The following ATXN1 variants were observed in gnomAD, a reference collection of about 807,000 sequenced individuals.
ATXN1 encodes the protein ataxin-1.
A neutral mutation model predicts 56.4 loss-of-function variants in ATXN1; 8 were observed. The ratio of observed to expected loss-of-function variants is 0.14; its 90% CI spans 0.08 to 0.26. The LOEUF (loss-of-function observed/expected upper bound fraction) is 0.26, where lower values mean the gene tolerates loss of function less well. Among genes scored for constraint, ATXN1 ranks in the 10% least tolerant of loss-of-function variants. The probability of loss-of-function intolerance (pLI) is 1.00; values close to 1 mark genes in which losing one functional copy is unlikely to be tolerated. For missense variants in ATXN1, 987 were observed against 1,106.5 expected (o/e 0.89, Z 1.53); for synonymous variants, 514 against 494.6 (o/e 1.04, Z -0.52).
intron 2 of ATXN1, among the ~76,000 whole-genome samples, chr6:16,710,377 C>T (rs570487228): frequency 1.3e-5 from 2 of 152,130 alleles, no homozygotes; most frequent in South Asian, 4.1e-4. Flanking sequence ...CCTTAAATTT[C>T]TCTCTTATGA....
At chr6:16,712,301 T>C (rs1458645308) in intron 2 of ATXN1, among the ~76,000 whole-genome samples, 2 of 152,090 alleles carry the variant, frequency 1.3e-5, no homozygotes, top group Admixed American at 6.6e-5. Context: ...AAGAAAGATG[T>C]ACTTTCTACC....
chr6:16,593,742 G>C (rs931401306), intron 3 of ATXN1, among the ~76,000 whole-genome samples: 1 of 151,536 alleles, frequency 6.6e-6, no homozygotes, highest in Admixed American at 6.6e-5. Flanking sequence ...CTAAGATTTA[G>C]CCATGTTGTT....
chr6:16,659,298 T>C (rs1221408461), intron 2 of ATXN1, among the ~76,000 whole-genome samples: 1 of 152,198 alleles, frequency 6.6e-6, no homozygotes, highest in Non-Finnish European at 1.5e-5. Context: ...CTCAAATGTG[T>C]AAGGCAACAT....
chr6:16,384,628 T>C (rs1758200137), intron 6 of ATXN1, among the ~76,000 whole-genome samples: 1 of 152,230 alleles, frequency 6.6e-6, no homozygotes, highest in Non-Finnish European at 1.5e-5. Context: ...GATGACTGGA[T>C]CACGGGCTTA....
At chr6:16,385,273 A>T (rs9477104) in intron 6 of ATXN1, among the ~76,000 whole-genome samples, 2 of 152,214 alleles carry the variant, frequency 1.3e-5, no homozygotes, top group Non-Finnish European at 2.9e-5. Context: ...AGGGTTAGGC[A>T]GGAACATTTT....
chr6:16,608,800 C>T lies in ATXN1; in HGVS notation c.-488-22893G>A, dbSNP rs1351307458. Among the ~76,000 whole-genome samples, 7 of 152,346 alleles carry T rather than the reference C, an allele frequency of 4.6e-5. 1 individual carries two copies. The highest frequency in any genetic ancestry group is 3.9e-4 in the East Asian group (2 of 5,190). ...CAAAAGCTGTGTGTCTGACAATCTA[C>T]GTGTAAGCCTAACTTTTTACATTAC... On this transcript the variant is annotated intron_variant, in intron 3 of 7. Coordinates refer to ENST00000436367, the MANE Select transcript of ATXN1 (RefSeq NM_001128164.2).
intron 3 of ATXN1, among the ~76,000 whole-genome samples, chr6:16,602,833 C>T (rs764965109): frequency 1.3e-5 from 2 of 152,060 alleles, no homozygotes; most frequent in African/African-American, 2.4e-5. Flanking sequence ...TGAAGGCTTG[C>T]CATAAAGATA....
chr6:16,607,894 A>G (rs1283072128), intron 3 of ATXN1, among the ~76,000 whole-genome samples: 12 of 152,210 alleles, frequency 7.9e-5, no homozygotes, highest in Admixed American at 5.9e-4. Flanking sequence ...TGGTCTATAG[A>G]CAAAGGCCCC....
intron 3 of ATXN1, among the ~76,000 whole-genome samples, chr6:16,632,399 A>C (rs527552154): frequency 6.6e-6 from 1 of 152,344 alleles, no homozygotes; most frequent in Admixed American, 6.5e-5. Flanking sequence ...AATGCTAGGT[A>C]CCACTGTGCT....
chr6:16,548,341 GC>G (rs574737182), intron 4 of ATXN1, among the ~76,000 whole-genome samples: 5 of 152,136 alleles, frequency 3.3e-5, no homozygotes, highest in Admixed American at 6.5e-5. Context: ...GAATGTGAAG[GC>G]CTAGGACATT....
chr6:16,520,690 A>T (rs1248469067), intron 5 of ATXN1, among the ~76,000 whole-genome samples: 2 of 152,204 alleles, frequency 1.3e-5, no homozygotes, highest in Non-Finnish European at 2.9e-5. Context: ...CCCACATTGT[A>T]CTGTGGTGTG....
intron 3 of ATXN1, among the ~76,000 whole-genome samples, chr6:16,629,982 G>A (rs940976962): frequency 1.3e-5 from 2 of 151,976 alleles, no homozygotes; most frequent in Non-Finnish European, 2.9e-5. Context: ...CCTTCTTCTG[G>A]AAAGGGCAAT....
At chr6:16,321,247 C>T (rs56336401) in intron 7 of ATXN1, among the ~76,000 whole-genome samples, 4 of 152,032 alleles carry the variant, frequency 2.6e-5, no homozygotes, top group South Asian at 2.1e-4. Context: ...GCTATCGCCT[C>T]GGGGGTCGCA....
In ATXN1 at chr6:16,579,483, C is replaced by A. The variant is rs771770050; in HGVS notation, c.-361+6297G>T. Among the ~76,000 whole-genome samples the A allele has an allele frequency of 1.7e-4, 6 of 35,368 alleles. 1 individual carries two copies. The highest frequency in any genetic ancestry group is 2.5e-4 in the African/African-American group (3 of 11,802). The allele number at this position is 35,368 out of a possible 152,430, so 23.2% of individuals were successfully genotyped here. On this transcript the variant is annotated intron_variant, in intron 4 of 7. Transcript: ENST00000436367. Reference sequence around the variant, plus strand: ...GTCACTGAGTACCTTGGTCAAAGCCCCCCCCCCCCACCCGCCGATTCATTC... The same window carrying A: ...GTCACTGAGTACCTTGGTCAAAGCCACCCCCCCCCACCCGCCGATTCATTC...
intron 5 of ATXN1, among the ~76,000 whole-genome samples, chr6:16,505,063 C>T (rs1760957746): frequency 6.7e-6 from 1 of 148,270 alleles, no homozygotes; most frequent in South Asian, 2.2e-4. Flanking sequence ...CTGCCTTCTA[C>T]TACTCAGCAG....
At chr6:16,463,266 C>T (rs988820134) in intron 6 of ATXN1, among the ~76,000 whole-genome samples, 2 of 152,206 alleles carry the variant, frequency 1.3e-5, no homozygotes, top group African/African-American at 2.4e-5. Context: ...CAACTTACAT[C>T]TGCCTCCCCA....
intron 3 of ATXN1, among the ~76,000 whole-genome samples, chr6:16,650,634 G>T (rs1413249865): frequency 6.6e-6 from 1 of 152,158 alleles, no homozygotes; most frequent in African/African-American, 2.4e-5. Flanking sequence ...TGGCCTAAAG[G>T]TTTCTCCGCA....
intron 4 of ATXN1, among the ~76,000 whole-genome samples, chr6:16,560,831 C>T (rs1260205108): frequency 6.6e-6 from 1 of 152,160 alleles, no homozygotes; most frequent in African/African-American, 2.4e-5. Context: ...GTCAATTTTC[C>T]ACTGTCCACC....
chr6:16,311,731 C>T (rs1581681496), intron 7 of ATXN1, among the ~76,000 whole-genome samples: 1 of 138,628 alleles, frequency 7.2e-6, no homozygotes, highest in East Asian at 2.7e-4. Flanking sequence ...TTGCAAACCT[C>T]TTAGAGTCAT....
Sources: allele counts gnomAD v4.1 joint callset (sites outside exome capture counted in the v4.1 genomes callset), GRCh38; gene constraint gnomAD v4.1.1; transcripts MANE v1.5; gene names NCBI Gene and HGNC (gene_info 2026-07-23, HGNC 2026-07-21).